Variants in SPATA22 observed in about 807,000 individuals in gnomAD.
SPATA22 encodes spermatogenesis-associated protein 22.
SPATA22 carries 29 observed loss-of-function variants against 47.8 expected under a neutral mutation model. The ratio of observed to expected loss-of-function variants is 0.61; its 90% CI spans 0.45 to 0.83. The LOEUF is 0.83. Among genes scored for constraint, SPATA22 ranks in the 40% least tolerant of loss-of-function variants. The pLI is 0.00. For synonymous variants in SPATA22, 133 were observed against 140.9 expected (o/e 0.94, Z 0.40); for missense variants, 410 against 421.7 (o/e 0.97, Z 0.24).
intron 1 of SPATA22, among the ~76,000 whole-genome samples, chr17:3,477,567 C>T (rs188283858): frequency 1.3e-5 from 2 of 152,180 alleles, no homozygotes; most frequent in Non-Finnish European, 2.9e-5. Context: ...ATTCTCCTGC[C>T]TCAACCTCCC....
At position 3,458,576 on chromosome 17, in the gene SPATA22, C is replaced by T. The variant is rs189458365; in HGVS notation, c.329+3907G>A. Reference sequence around the variant, plus strand: ...TAGCCAAGAGGGCCAGGCACGGTGGCTCACACCTGTGATCCCAGCACTTTG... The same window carrying T: ...TAGCCAAGAGGGCCAGGCACGGTGGTTCACACCTGTGATCCCAGCACTTTG... On this transcript the variant is annotated intron_variant, in intron 5 of 8. Transcript: ENST00000572969. Among the ~76,000 whole-genome samples, 332 of 152,224 alleles carry T rather than the reference C, an allele frequency of 2.2e-3. 1 individual carries two copies. The highest frequency in any genetic ancestry group is 3.4e-3 in the Non-Finnish European group (233 of 68,014).
At chr17:3,457,336 G>A (rs2073020952) in intron 5 of SPATA22, among the ~76,000 whole-genome samples, 1 of 152,070 alleles carries the variant, frequency 6.6e-6, no homozygotes, top group African/African-American at 2.4e-5. Context: ...AAGCTGATAA[G>A]CAACTTCAGC....
At chr17:3,472,307 C>A (rs1239724849), upstream of SPATA22, 1 of 152,618 alleles carries the variant, frequency 6.6e-6, no homozygotes, top group Non-Finnish European at 1.5e-5. Context: ...GAGCCGTCAG[C>A]GAGGCAGCGC....
At chr17:3,484,492 C>T (rs1389764268) in intron 1 of SPATA22, among the ~76,000 whole-genome samples, 1 of 152,010 alleles carries the variant, frequency 6.6e-6, no homozygotes, top group Non-Finnish European at 1.5e-5. Flanking sequence ...AAGTGGGATC[C>T]ATCTTGAGGT....
rs577072105 is a variant in SPATA22 at position 3,471,743 on chromosome 17, C to T, written c.-135G>A. 7.1e-6 allele frequency: 7 copies of T among 985,664 alleles called. No individual in the cohort carries two copies. The highest frequency in any genetic ancestry group is 1.1e-4 in the East Asian group (1 of 8,806). 61.1% of individuals were successfully genotyped at this position (985,664 alleles called of 1,614,324 possible). On this transcript the variant is annotated 5_prime_UTR_variant, in exon 1 of 9. Transcript: ENST00000572969. The stretch of plus-strand genomic sequence containing the variant: ...CACAACTTTCGCCCTCAGTTTCCCT[C>T]GCCTCCGTCAACCGTCGTCCAGGCG...
intron 1 of SPATA22, among the ~76,000 whole-genome samples, chr17:3,493,536 G>A (rs2073859242): frequency 6.9e-6 from 1 of 145,492 alleles, no homozygotes; most frequent in Non-Finnish European, 1.5e-5. Context: ...ACTCCAGCCT[G>A]GGTGAAAGAG....
intron 1 of SPATA22, among the ~76,000 whole-genome samples, chr17:3,505,076 C>A (rs758849056): frequency 4.8e-5 from 5 of 103,170 alleles, no homozygotes; most frequent in Non-Finnish European, 1.1e-4. Context: ...GCACAAAGTT[C>A]CCTACCACCT....
intron 1 of SPATA22, chr17:3,502,593 T>C (rs1039744163): frequency 6.6e-6 from 1 of 152,236 alleles, no homozygotes; most frequent in African/African-American, 2.4e-5. Flanking sequence ...AAGGGCTTAA[T>C]GGTAAAGATG....
intron 1 of SPATA22, among the ~76,000 whole-genome samples, chr17:3,496,641 C>G (rs1477220435): frequency 6.6e-6 from 1 of 152,204 alleles, no homozygotes; most frequent in Non-Finnish European, 1.5e-5. Context: ...CTAAGAATGA[C>G]AGTTCTTACT....
At chr17:3,501,217 G>A (rs906350099) in intron 1 of SPATA22, 3 of 152,288 alleles carry the variant, frequency 2.0e-5, no homozygotes, top group African/African-American at 7.2e-5. Flanking sequence ...GCCATAGATA[G>A]TGATTCCTCT....
rs2073707161 is a variant in SPATA22 at position 3,485,751 on chromosome 17, TGAGTGGATGCCAGTAG to T, written c.-73-16369_-73-16354del. Among the ~76,000 whole-genome samples, 1 of 152,152 alleles carries T rather than the reference TGAGTGGATGCCAGTAG, an allele frequency of 6.6e-6. No individual in the cohort carries two copies. The highest frequency in any genetic ancestry group is 2.4e-5 in the African/African-American group (1 of 41,442). Reference sequence around the variant, plus strand: ...AAGCTAACCATTAGCCTAGCACCTCTGAGTGGATGCCAGTAGAAGACACAAGACTCCTAAAACAGAG... The same window carrying T: ...AAGCTAACCATTAGCCTAGCACCTCTAAGACACAAGACTCCTAAAACAGAG... On this transcript the variant is annotated intron_variant, in intron 1 of 8. Coordinates refer to the SPATA22 transcript ENST00000541913. This position sits in a 1 kb window ranked among gnomAD's most constrained non-coding sequence, Gnocchi z 4.4.
chr17:3,444,745 C>CA (rs1481587000), intron 7 of SPATA22, among the ~76,000 whole-genome samples: 1 of 151,970 alleles, frequency 6.6e-6, no homozygotes, highest in Non-Finnish European at 1.5e-5. Context: ...ATTTAAAATC[C>CA]ACTAAAGTTG....
At chr17:3,465,917 T>A (rs539233410) in intron 3 of SPATA22, among the ~76,000 whole-genome samples, 1 of 152,168 alleles carries the variant, frequency 6.6e-6, no homozygotes, top group Non-Finnish European at 1.5e-5. Context: ...CATTTCCTTA[T>A]GGAGTAGCTC....
Position 3,488,245 on chromosome 17 carries a change from GA to G in SPATA22, c.-73-18848del, listed in dbSNP as rs2073761720. On this transcript the variant is annotated intron_variant, in intron 1 of 8. Coordinates refer to the SPATA22 transcript ENST00000541913. The surrounding 1 kb of genome is among the most constrained non-coding windows in gnomAD (Gnocchi z 6.1). ...GAAGGGTCTACAAAAGTAGTTTAAA[GA>G]AAGAGTATTTTGTAGATGTAAGGAT... Among the ~76,000 whole-genome samples, 1 of 152,186 alleles carries G rather than the reference GA, an allele frequency of 6.6e-6. No individual in the cohort carries two copies. Among genetic ancestry groups the G allele is most frequent in the African/African-American group, 2.4e-5 (1 of 41,456 alleles).
chr17:3,490,512 G>A lies in SPATA22; in HGVS notation c.-73-21114C>T, dbSNP rs1187489902. On this transcript the variant is annotated intron_variant, in intron 1 of 8. Coordinates refer to the SPATA22 transcript ENST00000541913. This position sits in a 1 kb window ranked among gnomAD's most constrained non-coding sequence, Gnocchi z 4.6. ...GGGGTGTGTACTTCGGTGTCTGTGG[G>A]GAGTGAATTCCTCAACCTCAGATCG... Among the ~76,000 whole-genome samples the A allele has an allele frequency of 6.6e-6, 1 of 151,130 alleles. No homozygotes were observed.
chr17:3,479,130 C>T (rs1412730105), intron 1 of SPATA22, among the ~76,000 whole-genome samples: 1 of 152,120 alleles, frequency 6.6e-6, no homozygotes, highest in Non-Finnish European at 1.5e-5. Flanking sequence ...AAAATGTATC[C>T]AGAATAGATT....
chr17:3,497,191 C>T (rs564568383), intron 1 of SPATA22, among the ~76,000 whole-genome samples: 2 of 152,270 alleles, frequency 1.3e-5, no homozygotes, highest in East Asian at 1.9e-4. Context: ...GTCTGGATAG[C>T]ACTGCACAAT....
chr17:3,459,775 A>G (rs2318035), intron 5 of SPATA22, among the ~76,000 whole-genome samples: 85,705 of 152,020 alleles, frequency 0.56, 25,890 homozygotes, highest in Non-Finnish European at 0.68. Flanking sequence ...CTGTTAACAA[A>G]GATGAGACTG....
chr17:3,447,446 C>CTGT (rs1232769243), intron 6 of SPATA22, among the ~76,000 whole-genome samples: 4 of 98,494 alleles, frequency 4.1e-5, no homozygotes, highest in Non-Finnish European at 5.5e-5. Flanking sequence ...AACATGCCTC[C>CTGT]TGTTGATGAT....
Sources: allele counts gnomAD v4.1 joint callset (sites outside exome capture counted in the v4.1 genomes callset), GRCh38; gene constraint gnomAD v4.1.1; non-coding constraint Gnocchi (gnomAD v3.1); transcripts MANE v1.5; gene names NCBI Gene and HGNC (gene_info 2026-07-23, HGNC 2026-07-21).